The following CLSTN2 variants were observed in gnomAD, a reference collection of about 807,000 sequenced individuals.
CLSTN2 encodes calsyntenin 2.
A neutral mutation model predicts 101.2 loss-of-function variants in CLSTN2; 48 were observed. The ratio of observed to expected loss-of-function variants is 0.47; its 90% CI spans 0.38 to 0.60. The LOEUF (loss-of-function observed/expected upper bound fraction) is 0.60. CLSTN2 is among the 20% of genes least tolerant of loss of function. The probability of loss-of-function intolerance (pLI) is 0.00; values close to 1 mark genes in which losing one functional copy is unlikely to be tolerated. For synonymous variants in CLSTN2, 481 were observed against 463.6 expected, an observed-to-expected ratio of 1.04 and a Z score of -0.48; for missense variants, 1,160 against 1,238.2, an observed-to-expected ratio of 0.94 and a Z score of 0.95.
At chr3:140,546,115 C>A (rs1325423189) in intron 9 of CLSTN2, among the ~76,000 whole-genome samples, 1 of 152,136 alleles carries the variant, frequency 6.6e-6, no homozygotes, top group Non-Finnish European at 1.5e-5. Flanking sequence ...TCTGCACCTG[C>A]CAGGTGAAAA....
chr3:140,538,756 A>G (rs551565024), intron 9 of CLSTN2, among the ~76,000 whole-genome samples: 12 of 152,344 alleles, frequency 7.9e-5, no homozygotes, highest in African/African-American at 2.9e-4. Flanking sequence ...ACATGCTAGC[A>G]GAGTCTGCCT....
intron 1 of CLSTN2, among the ~76,000 whole-genome samples, chr3:140,096,593 G>A (rs1474448593): frequency 2.0e-5 from 3 of 152,150 alleles, no homozygotes; most frequent in African/African-American, 7.2e-5. Context: ...ATTCTTCTAG[G>A]TCATGAACCA....
rs919402969 is a variant in CLSTN2, at chr3:140,222,356, A to T, written c.232+46283A>T. On this transcript the variant is annotated intron_variant, in intron 2 of 16. Coordinates refer to ENST00000458420, the MANE Select transcript of CLSTN2 (RefSeq NM_022131.3). ...ATGGGGGTGGAAGGGAGGTGGGGATAGTTAATTCGTACAAAAAGAAAAACT... is the reference window on the plus strand; with the variant it reads ...ATGGGGGTGGAAGGGAGGTGGGGATTGTTAATTCGTACAAAAAGAAAAACT... Among the ~76,000 whole-genome samples the T allele has an allele frequency of 2.6e-5, 4 of 152,336 alleles. No individual in the cohort carries two copies. In the East Asian group the frequency reaches 7.7e-4, roughly 29 times the overall value.
intron 2 of CLSTN2, among the ~76,000 whole-genome samples, chr3:140,311,369 G>C (rs1330015141): frequency 8.3e-6 from 1 of 120,756 alleles, no homozygotes; most frequent in Non-Finnish European, 1.6e-5. Context: ...GCAGTGGCCT[G>C]ATCTTGGCTC....
At position 139,950,907 on chromosome 3, in the gene CLSTN2, C is replaced by CTGTG. The variant is rs371786513; in HGVS notation, c.109+15430_109+15433dup. Among the ~76,000 whole-genome samples the CTGTG allele has an allele frequency of 1.7e-3, 253 of 152,298 alleles. 1 individual carries two copies. Among genetic ancestry groups the CTGTG allele is most frequent in the African/African-American group, 5.9e-3 (246 of 41,578 alleles). The stretch of plus-strand genomic sequence containing the variant: ...CAACAGCTTACAGATGCAAACAGAT[C>CTGTG]TGTGTGTGTTGTATTGGTGATTCAG... On this transcript the variant is annotated intron_variant, in intron 1 of 16. Coordinates refer to ENST00000458420, the MANE Select transcript of CLSTN2 (RefSeq NM_022131.3).
chr3:139,970,070 A>G (rs6439887), intron 1 of CLSTN2, among the ~76,000 whole-genome samples: 40,367 of 151,990 alleles, frequency 0.27, 5,448 homozygotes, highest in African/African-American at 0.28. Context: ...GAATGACTGG[A>G]ATGTGTGATG....
At chr3:140,562,079 A>C in intron 12 of CLSTN2, 59 bp from the exon 13 acceptor site, 1 of 1,508,350 alleles carries the variant, frequency 6.6e-7, no homozygotes, top group Non-Finnish European at 9.1e-7. Flanking sequence ...GGTGATTAGC[A>C]AGGGCTGTTT....
At chr3:140,464,923 G>A (rs573468434) in intron 7 of CLSTN2, among the ~76,000 whole-genome samples, 1 of 152,314 alleles carries the variant, frequency 6.6e-6, no homozygotes, top group East Asian at 1.9e-4. Context: ...ATGTTCTCAA[G>A]AATGGTGATG....
At chr3:140,199,192 T>G (rs2010687628) in intron 2 of CLSTN2, among the ~76,000 whole-genome samples, 1 of 152,158 alleles carries the variant, frequency 6.6e-6, no homozygotes. Context: ...GCATCAGACT[T>G]TTTCTCCCAC....
chr3:140,153,823 G>A (rs533063616), intron 1 of CLSTN2, among the ~76,000 whole-genome samples: 44 of 152,288 alleles, frequency 2.9e-4, no homozygotes, highest in African/African-American at 1.0e-3. Flanking sequence ...AGAGAACACT[G>A]GTGGGAGTGG....
At chr3:140,470,324 G>T (rs753578635) in intron 8 of CLSTN2, among the ~76,000 whole-genome samples, 1 of 152,254 alleles carries the variant, frequency 6.6e-6, no homozygotes, top group African/African-American at 2.4e-5. Context: ...TGATAGGCAC[G>T]GTGGGCTGGG....
At chr3:140,096,596 A>G (rs2008873253) in intron 1 of CLSTN2, among the ~76,000 whole-genome samples, 2 of 152,196 alleles carry the variant, frequency 1.3e-5, no homozygotes, top group African/African-American at 2.4e-5. Context: ...CTTCTAGGTC[A>G]TGAACCAGGA....
intron 1 of CLSTN2, among the ~76,000 whole-genome samples, chr3:140,061,541 C>G (rs1475102931): frequency 6.6e-6 from 1 of 152,184 alleles, no homozygotes; most frequent in Non-Finnish European, 1.5e-5. Context: ...GGCAGTTGCT[C>G]TCCTATAGTG....
intron 1 of CLSTN2, among the ~76,000 whole-genome samples, chr3:139,987,539 C>A (rs1226902096): frequency 6.6e-6 from 1 of 152,162 alleles, no homozygotes; most frequent in African/African-American, 2.4e-5. Context: ...AAGCTGCCTG[C>A]CATTATGCCA....
intron 1 of CLSTN2, among the ~76,000 whole-genome samples, chr3:139,942,977 CT>C (rs1459056210): frequency 4.6e-5 from 7 of 152,186 alleles, no homozygotes; most frequent in African/African-American, 1.7e-4. Flanking sequence ...AGAGATGCCC[CT>C]GATCAATACT....
intron 1 of CLSTN2, among the ~76,000 whole-genome samples, chr3:140,037,047 A>G (rs960877299): frequency 2.6e-5 from 4 of 152,192 alleles, no homozygotes; most frequent in African/African-American, 4.8e-5. Context: ...CTTGTGTTAT[A>G]TGTACAACTG....
intron 2 of CLSTN2, among the ~76,000 whole-genome samples, chr3:140,219,154 A>G (rs761320869): frequency 4.6e-5 from 7 of 151,964 alleles, no homozygotes; most frequent in African/African-American, 1.4e-4. Flanking sequence ...TGATACATGA[A>G]CTGCAGGAAT....
At chr3:140,417,301 G>A (rs1369653386) in intron 4 of CLSTN2, among the ~76,000 whole-genome samples, 1 of 151,880 alleles carries the variant, frequency 6.6e-6, no homozygotes, top group East Asian at 1.9e-4. Flanking sequence ...TTCCCTTATA[G>A]TGTCAGGCTA....
chr3:140,094,331 C>A (rs944016067), intron 1 of CLSTN2, among the ~76,000 whole-genome samples: 1 of 152,200 alleles, frequency 6.6e-6, no homozygotes, highest in African/African-American at 2.4e-5. Flanking sequence ...AGACCATGCC[C>A]TTTCTCCTAC....
Sources: gnomAD v4.1 joint callset for allele counts (sites outside exome capture counted in the v4.1 genomes callset) on GRCh38, gnomAD v4.1.1 for gene constraint, MANE v1.5 for transcripts, NCBI Gene and HGNC (gene_info 2026-07-23, HGNC 2026-07-21) for gene names.